ATP2B2: variants seen among roughly 807,000 people sequenced by gnomAD.
ATP2B2 encodes plasma membrane calcium-transporting ATPase 2.
Under a neutral mutation model 120.0 loss-of-function variants are expected in ATP2B2, and 15 were observed. The observed-to-expected ratio is 0.12, with a 90% CI of 0.08 to 0.19. The LOEUF is 0.19. Ranked by LOEUF, ATP2B2 falls within the 10% of genes least tolerant of loss-of-function variation. The pLI, the probability that ATP2B2 is intolerant of heterozygous loss-of-function variation, is 1.00. For missense variants in ATP2B2, 1,045 were observed against 1,719.8 expected (o/e 0.61, Z 6.94); for synonymous variants, 694 against 700.3 (o/e 0.99, Z 0.14).
chr3:10,670,099 A>C (rs2071055807), intron 1 of ATP2B2, among the ~76,000 whole-genome samples: 2 of 152,198 alleles, frequency 1.3e-5, no homozygotes, highest in African/African-American at 2.4e-5. Context: ...ATGAGTTAAG[A>C]GTGTGATGCA....
intron 2 of ATP2B2, among the ~76,000 whole-genome samples, chr3:10,590,990 G>C (rs2068630742): frequency 6.6e-6 from 1 of 151,934 alleles, no homozygotes; most frequent in African/African-American, 2.4e-5. Context: ...CCCGTGCCCT[G>C]TCCCTGTAGG....
intron 3 of ATP2B2, among the ~76,000 whole-genome samples, chr3:10,523,493 T>C (rs1044807622): frequency 6.6e-6 from 1 of 152,244 alleles, no homozygotes; most frequent in Non-Finnish European, 1.5e-5. Context: ...GGAATCCTGG[T>C]GCCCAGCCTG....
At chr3:10,378,180 G>A (rs1020898192) in intron 10 of ATP2B2, 72 bp downstream of exon 10, 36 of 1,557,336 alleles carry the variant, frequency 2.3e-5, no homozygotes, top group South Asian at 8.1e-5. Context: ...AACTGAGGCC[G>A]AGCATGGGGC....
At chr3:10,410,574 G>A in intron 3 of ATP2B2, 44 bp downstream of exon 3, 3 of 1,550,262 alleles carry the variant, frequency 1.9e-6, no homozygotes, top group Admixed American at 1.9e-5. Flanking sequence ...TGGATGCGGT[G>A]GCCAGGTGTG....
At chr3:10,476,527 C>T (rs1184018460) in intron 1 of ATP2B2, among the ~76,000 whole-genome samples, 1 of 152,196 alleles carries the variant, frequency 6.6e-6, no homozygotes, top group African/African-American at 2.4e-5. Flanking sequence ...TGCTTGGAGA[C>T]CCCCAGTAAG....
rs2061684217 is a variant in ATP2B2 at position 10,386,501 on chromosome 3, C to T, written c.919G>A (p.Gly307Arg). The T allele has an allele frequency of 6.2e-7, 1 of 1,614,194 alleles. No homozygotes were observed. The highest frequency in any genetic ancestry group is 8.5e-7 in the Non-Finnish European group (1 of 1,180,010). ...GTACCTGGTAGCTGAAGGCCATCCC[C>T]CTTCTTCACACCTGTGTGATGATTT... is the stretch of plus-strand genomic sequence containing the variant. ...EKKDKKGVKK[G>R]DGLQLPAADG... Residue 307 changes from glycine to arginine, a missense_variant, in exon 7 of 23, where the codon GGG becomes AGG. Physicochemically the swap from Gly to Arg is moderately radical, Grantham distance 125. Around this residue, in one of 11 missense-constraint regions of ATP2B2, gnomAD observed 145 missense variants for 202.0 expected, o/e 0.72. Transcript: ENST00000360273.
chr3:10,407,693 A>G (rs904370653), intron 3 of ATP2B2, among the ~76,000 whole-genome samples: 2 of 152,068 alleles, frequency 1.3e-5, no homozygotes, highest in African/African-American at 4.8e-5. Flanking sequence ...CACACTGTCC[A>G]CCCCTGCGTT....
chr3:10,616,698 A>C (rs1364767228), intron 2 of ATP2B2, among the ~76,000 whole-genome samples: 1 of 151,342 alleles, frequency 6.6e-6, no homozygotes, highest in Non-Finnish European at 1.5e-5. Flanking sequence ...ACACACACAC[A>C]CTCATTGGTG....
chr3:10,600,109 T>C (rs1314407427), intron 2 of ATP2B2, among the ~76,000 whole-genome samples: 1 of 103,940 alleles, frequency 9.6e-6, no homozygotes, highest in Non-Finnish European at 1.9e-5. Flanking sequence ...GGGCTGGGGC[T>C]GGTGGGGGGC....
chr3:10,361,524 G>A (rs757157254), intron 12 of ATP2B2, among the ~76,000 whole-genome samples: 8 of 152,152 alleles, frequency 5.3e-5, no homozygotes, highest in Non-Finnish European at 1.0e-4. Context: ...CCCTGTGCCC[G>A]CCGCAGGGCC....
At chr3:10,541,139 T>C (rs969314280) in intron 2 of ATP2B2, among the ~76,000 whole-genome samples, 1 of 152,162 alleles carries the variant, frequency 6.6e-6, no homozygotes, top group African/African-American at 2.4e-5. Context: ...GTCATGTGTG[T>C]CTTCTCTTTC....
At chr3:10,387,926 G>A (rs2061728498) in intron 6 of ATP2B2, 3 of 346,932 alleles carry the variant, frequency 8.6e-6, no homozygotes, top group Non-Finnish European at 1.1e-5. Flanking sequence ...TCCAATGGGT[G>A]GGGATTTCTA....
intron 1 of ATP2B2, among the ~76,000 whole-genome samples, chr3:10,687,459 T>C (rs1468889597): frequency 3.3e-5 from 5 of 152,196 alleles, no homozygotes; most frequent in Non-Finnish European, 5.9e-5. Flanking sequence ...TATAGTTTTC[T>C]TCAGTTTAGA....
intron 22 of ATP2B2, chr3:10,330,160 T>C (rs1245851828): frequency 6.5e-6 from 1 of 154,320 alleles, no homozygotes; most frequent in African/African-American, 2.4e-5. Context: ...GTTCTTTCAT[T>C]TTCTGTCTCA....
intron 14 of ATP2B2, among the ~76,000 whole-genome samples, chr3:10,352,266 AC>A (rs1344768779): frequency 6.6e-6 from 1 of 152,106 alleles, no homozygotes; most frequent in Non-Finnish European, 1.5e-5. Context: ...CTCCCTGTGT[AC>A]CCTGTGCAGA....
At chr3:10,439,484 A>G (rs2125133634) in intron 2 of ATP2B2, among the ~76,000 whole-genome samples, 1 of 152,314 alleles carries the variant, frequency 6.6e-6, no homozygotes, top group Middle Eastern at 3.4e-3. Flanking sequence ...CCCCTGGGCC[A>G]GGCACATTGT....
rs879191299 is a variant in ATP2B2 at position 10,449,680 on chromosome 3, C to T, written c.-137G>A. 1.3e-4 allele frequency: 137 copies of T among 1,078,694 alleles called. No homozygotes were observed. In the Middle Eastern group the frequency reaches 1.9e-3, roughly 15 times the overall value. 66.8% of individuals were successfully genotyped at this position (1,078,694 alleles called of 1,614,324 possible). Reference sequence around the variant, plus strand: ...GCACCAGGCGGCCGACTCCGGGTCCCGGGGGGTGGGGGTGGCCGAGGCGGG... The same window carrying T: ...GCACCAGGCGGCCGACTCCGGGTCCTGGGGGGTGGGGGTGGCCGAGGCGGG... On this transcript the variant is annotated 5_prime_UTR_variant, in exon 2 of 23. Coordinates refer to ENST00000360273, the MANE Select transcript of ATP2B2 (RefSeq NM_001001331.4).
intron 2 of ATP2B2, among the ~76,000 whole-genome samples, chr3:10,569,108 T>C (rs748390303): frequency 2.6e-5 from 4 of 152,194 alleles, no homozygotes; most frequent in Non-Finnish European, 4.4e-5. Flanking sequence ...ATGAATGATC[T>C]GAGCTCACAC....
chr3:10,604,551 C>T, intron 2 of ATP2B2, among the ~76,000 whole-genome samples: 1 of 152,340 alleles, frequency 6.6e-6, no homozygotes, highest in East Asian at 1.9e-4. Flanking sequence ...TCACCTACCA[C>T]CACATGCCCC....
Sources: gnomAD v4.1 joint callset for allele counts (sites outside exome capture counted in the v4.1 genomes callset) on GRCh38, gnomAD v4.1.1 for gene constraint, gnomAD v4.1.1 regional missense constraint, MANE v1.5 for transcripts, NCBI Gene and HGNC (gene_info 2026-07-23, HGNC 2026-07-21) for gene names.